The following THAP4 variants were observed in gnomAD, a reference collection of about 807,000 sequenced individuals.
THAP4 encodes peroxynitrite isomerase THAP4.
Under a neutral mutation model 48.1 loss-of-function variants are expected in THAP4, and 18 were observed. That is an observed-to-expected ratio of 0.37 (90% CI 0.26 to 0.56). The LOEUF is 0.56. Ranked by LOEUF, THAP4 falls within the 20% of genes least tolerant of loss-of-function variation. The pLI is 0.78. For missense variants in THAP4, 656 were observed against 774.9 expected (o/e 0.85, Z 1.82); for synonymous variants, 345 against 324.9 (o/e 1.06, Z -0.66).
rs1234219262 is a variant in THAP4, at chr2:241,610,291, C to T, written c.1241-3818G>A. Among the ~76,000 whole-genome samples the T allele has an allele frequency of 6.6e-6, 1 of 152,178 alleles. No individual in the cohort carries two copies. The highest frequency in any genetic ancestry group is 1.5e-5 in the Non-Finnish European group (1 of 68,016). ...CTCCGCCGGCCCCGCCCCGGAAGCG[C>T]AGCCCCGCCTCAGGCGCCGCATCTC... On this transcript the variant is annotated intron_variant, in intron 2 of 5. Coordinates refer to ENST00000407315, the MANE Select transcript of THAP4 (RefSeq NM_015963.6). The surrounding 1 kb of genome is among the most constrained non-coding windows in gnomAD (Gnocchi z 4.2).
At chr2:241,597,645 G>A (rs2067065591) in intron 5 of THAP4, among the ~76,000 whole-genome samples, 1 of 152,200 alleles carries the variant, frequency 6.6e-6, no homozygotes, top group African/African-American at 2.4e-5. Context: ...CCAAGACCCA[G>A]CTCTTCTTGC....
chr2:241,631,111 A>G (rs2067554081), intron 2 of THAP4, among the ~76,000 whole-genome samples: 1 of 152,172 alleles, frequency 6.6e-6, no homozygotes, highest in African/African-American at 2.4e-5. Context: ...CAACCCAAGA[A>G]TCCGAAAATC....
intron 5 of THAP4, among the ~76,000 whole-genome samples, chr2:241,588,761 C>T (rs1426142527): frequency 6.6e-6 from 1 of 152,080 alleles, no homozygotes; most frequent in Non-Finnish European, 1.5e-5. Flanking sequence ...TACCTCATAC[C>T]ATCTAGAAAT....
At chr2:241,602,396 G>A (rs953773654) in intron 4 of THAP4, among the ~76,000 whole-genome samples, 14 of 148,096 alleles carry the variant, frequency 9.5e-5, no homozygotes, top group African/African-American at 3.0e-4. Context: ...ACAGAATCTC[G>A]CTCTGTTGCC....
At chr2:241,595,982 T>C (rs1261335020) in intron 5 of THAP4, among the ~76,000 whole-genome samples, 2 of 152,136 alleles carry the variant, frequency 1.3e-5, no homozygotes, top group African/African-American at 2.4e-5. Context: ...GGGCTGCACG[T>C]GGAAAGGATG....
intron 2 of THAP4, among the ~76,000 whole-genome samples, chr2:241,631,561 G>T (rs2067561702): frequency 6.6e-6 from 1 of 152,186 alleles, no homozygotes. Context: ...GACCTCCCAG[G>T]CTCAAGCTAT....
intron 2 of THAP4, among the ~76,000 whole-genome samples, chr2:241,627,549 C>T (rs530265925): frequency 2.6e-4 from 40 of 152,348 alleles, no homozygotes; most frequent in African/African-American, 7.9e-4. Context: ...ACCTCTGAAG[C>T]CCACTGGCCC....
At chr2:241,632,868 C>A in intron 2 of THAP4, 49 bp downstream of exon 2, 1 of 1,437,044 alleles carries the variant, frequency 7.0e-7, no homozygotes, top group Non-Finnish European at 9.4e-7. Flanking sequence ...TGCAGAGAAA[C>A]CCCTCCTAAC....
chr2:241,625,830 AAGAAAAC>A (rs2067490509), intron 2 of THAP4, among the ~76,000 whole-genome samples: 1 of 151,028 alleles, frequency 6.6e-6, no homozygotes, highest in African/African-American at 2.4e-5. Flanking sequence ...AAAAAGAAAA[AAGAAAAC>A]TACAGACAAA....
upstream of THAP4, chr2:241,637,336 C>T (rs1559240469): frequency 1.6e-6 from 2 of 1,276,094 alleles, no homozygotes; most frequent in African/African-American, 3.2e-5. Flanking sequence ...CGTACCGCGA[C>T]ATGGGCGCGC....
At chr2:241,615,624 T>C (rs2067330278) in intron 2 of THAP4, among the ~76,000 whole-genome samples, 1 of 152,194 alleles carries the variant, frequency 6.6e-6, no homozygotes, top group Non-Finnish European at 1.5e-5. Context: ...TATCCCAATT[T>C]CTAAACATCT....
intron 2 of THAP4, chr2:241,617,614 A>G (rs1000195789): frequency 1.5e-6 from 1 of 676,642 alleles, no homozygotes; most frequent in South Asian, 2.0e-5. Flanking sequence ...GACAGCCCAG[A>G]TCACAGAATT....
intron 2 of THAP4, among the ~76,000 whole-genome samples, chr2:241,625,627 C>T (rs1221575016): frequency 4.6e-5 from 7 of 151,032 alleles, no homozygotes; most frequent in Middle Eastern, 3.4e-3. Context: ...GAAATCCCGT[C>T]TCTACTAAAA....
intron 5 of THAP4, among the ~76,000 whole-genome samples, chr2:241,597,746 C>A (rs2067066742): frequency 6.6e-6 from 1 of 152,152 alleles, no homozygotes; most frequent in African/African-American, 2.4e-5. Flanking sequence ...AATGGGGAGG[C>A]CCAGCCCCTC....
At chr2:241,627,814 A>C (rs758661243) in intron 2 of THAP4, among the ~76,000 whole-genome samples, 9 of 152,120 alleles carry the variant, frequency 5.9e-5, no homozygotes, top group Non-Finnish European at 1.0e-4. Flanking sequence ...CCCTGTGCCC[A>C]CACCGCATGC....
chr2:241,620,625 G>A (rs2067418137), intron 2 of THAP4, among the ~76,000 whole-genome samples: 2 of 150,966 alleles, frequency 1.3e-5, no homozygotes, highest in Non-Finnish European at 3.0e-5. Flanking sequence ...TGAGTGAGGG[G>A]TGAGTGAGTC....
chr2:241,586,584 C>T (rs2066899394), intron 5 of THAP4, among the ~76,000 whole-genome samples: 2 of 152,164 alleles, frequency 1.3e-5, no homozygotes, highest in South Asian at 4.1e-4. Flanking sequence ...ACACCTCCCC[C>T]ACCCTCACCC....
At chr2:241,631,104 C>A (rs1489565948) in intron 2 of THAP4, among the ~76,000 whole-genome samples, 3 of 152,130 alleles carry the variant, frequency 2.0e-5, no homozygotes, top group African/African-American at 7.2e-5. Context: ...ACAATTTCAA[C>A]CCAAGAATCC....
At chr2:241,632,806 C>T (rs576116503) in intron 2 of THAP4, 111 bp downstream of exon 2, 93 of 798,824 alleles carry the variant, frequency 1.2e-4, no homozygotes, top group Admixed American at 4.9e-4. Context: ...CTCCTGAGAG[C>T]GCAGGGAGCT....
Sources: gnomAD v4.1 joint callset for allele counts (sites outside exome capture counted in the v4.1 genomes callset) on GRCh38, gnomAD v4.1.1 for gene constraint, Gnocchi (gnomAD v3.1) non-coding constraint, MANE v1.5 for transcripts, NCBI Gene and HGNC (gene_info 2026-07-23, HGNC 2026-07-21) for gene names.